SLC6A13: variants seen among roughly 807,000 people sequenced by gnomAD.
SLC6A13 encodes solute carrier family 6 member 13.
In SLC6A13, 69 loss-of-function variants were observed where a neutral mutation model predicts 72.9. That is an observed-to-expected ratio of 0.95 (90% confidence interval 0.78 to 1.16). The LOEUF is 1.16. SLC6A13 is among the 50% of genes most tolerant of loss of function. SLC6A13 has a pLI of 0.00. For synonymous variants in SLC6A13, 303 were observed against 303.0 expected (o/e 1.00, Z 0.00); for missense variants, 735 against 760.5 (o/e 0.97, Z 0.39).
chr12:228,342 G>GA (rs962173264), intron 7 of SLC6A13, among the ~76,000 whole-genome samples: 3 of 152,080 alleles, frequency 2.0e-5, no homozygotes, highest in African/African-American at 7.2e-5. Flanking sequence ...ATCCCAGACA[G>GA]AAAAAACATC....
chr12:252,080 C>T (rs999315771), intron 2 of SLC6A13, among the ~76,000 whole-genome samples: 8 of 152,104 alleles, frequency 5.3e-5, no homozygotes, highest in East Asian at 1.9e-4. Context: ...GAAGATACCT[C>T]GATAACAAAG....
At chr12:253,093 C>T (rs974368639) in intron 2 of SLC6A13, among the ~76,000 whole-genome samples, 1 of 152,168 alleles carries the variant, frequency 6.6e-6, no homozygotes, top group African/African-American at 2.4e-5. Flanking sequence ...CCTGCACCCC[C>T]ATATCATCCA....
At chr12:262,689 G>C (rs1440339432) in intron 1 of SLC6A13, 100 bp downstream of exon 1, 3 of 985,038 alleles carry the variant, frequency 3.0e-6, no homozygotes, top group African/African-American at 3.5e-5. Context: ...TTCTAGGCGA[G>C]GGTAAGAAAA....
chr12:247,023 GAAAGAAAGA>G (rs1565504240), intron 2 of SLC6A13, among the ~76,000 whole-genome samples: 2 of 14,280 alleles, frequency 1.4e-4, no homozygotes, highest in Non-Finnish European at 3.3e-4. Flanking sequence ...AAAAAAAAAA[GAAAGAAAGA>G]AAAGAAAGAA....
At chr12:229,651 C>T (rs1941622159) in intron 7 of SLC6A13, among the ~76,000 whole-genome samples, 1 of 152,212 alleles carries the variant, frequency 6.6e-6, no homozygotes, top group African/African-American at 2.4e-5. Flanking sequence ...GCGCCCCCTC[C>T]CAAAAAGGTC....
intron 2 of SLC6A13, among the ~76,000 whole-genome samples, chr12:252,570 C>G (rs1444769083): frequency 6.6e-6 from 1 of 152,212 alleles, no homozygotes; most frequent in African/African-American, 2.4e-5. Context: ...ATCCATAATT[C>G]AGGCACTAAG....
rs146636328 is a variant in SLC6A13, at chr12:241,129, C to T, written c.478+1485G>A. The stretch of plus-strand genomic sequence containing the variant: ...GACCAGCCTGGCCAAAATGGTGAAA[C>T]CCTGTCTCTACTAAAAATACAAAAA... On this transcript the variant is annotated intron_variant, in intron 4 of 14. Transcript: ENST00000343164. Among the ~76,000 whole-genome samples the T allele has an allele frequency of 7.2e-3, 1,098 of 151,986 alleles. 18 individuals are homozygous for T. The highest frequency in any genetic ancestry group is 0.025 in the African/African-American group (1,041 of 41,444).
At chr12:247,136 A>C (rs967340239) in intron 2 of SLC6A13, among the ~76,000 whole-genome samples, 1 of 152,022 alleles carries the variant, frequency 6.6e-6, no homozygotes, top group African/African-American at 2.4e-5. Flanking sequence ...CTGTGAAAGA[A>C]AGAAAAGGGT....
In SLC6A13 at chr12:223,243, G is replaced by T; in HGVS notation, c.1312-9C>A. 6.3e-7 allele frequency: 1 copy of T among 1,580,414 alleles called. No homozygotes were observed. The highest frequency in any genetic ancestry group is 8.7e-7 in the Non-Finnish European group (1 of 1,151,946). ...AACACGTACATTCCGCCCTGCATGG[G>T]AGGAGATTATTTTAAAAAGAAGTTT... On this transcript the variant is annotated splice_polypyrimidine_tract_variant and intron_variant, in intron 11 of 14. Transcript: ENST00000343164.
chr12:221,347 G>C (rs914982354), intron 14 of SLC6A13, 29 bp downstream of exon 14: 4 of 1,555,206 alleles, frequency 2.6e-6, no homozygotes, highest in Non-Finnish European at 1.7e-6. Context: ...CAGCCCCTCT[G>C]GCTGCTTTCC....
intron 13 of SLC6A13, 58 bp from the exon 14 acceptor site, chr12:221,604 T>C: frequency 8.9e-7 from 1 of 1,126,064 alleles, no homozygotes. Flanking sequence ...TGCCCTCAGC[T>C]CCCCCGCTCC....
At chr12:235,582 G>A (rs1941900628) in intron 6 of SLC6A13, among the ~76,000 whole-genome samples, 1 of 152,074 alleles carries the variant, frequency 6.6e-6, no homozygotes. Flanking sequence ...CGTGATAATT[G>A]TATTAACTGT....
chr12:234,969 C>T, intron 7 of SLC6A13, 121 bp downstream of exon 7: 2 of 1,108,300 alleles, frequency 1.8e-6, no homozygotes, highest in Admixed American at 2.0e-5. Context: ...TGCACCTCTG[C>T]TGCCACTGTG....
intron 2 of SLC6A13, chr12:259,485 T>C: frequency 1.5e-6 from 2 of 1,298,974 alleles, no homozygotes; most frequent in Non-Finnish European, 2.0e-6. Flanking sequence ...TACAATGACC[T>C]TGAAAGGCAG....
In SLC6A13 at chr12:242,723, G is replaced by A. The variant is rs1279948369; in HGVS notation, c.369C>T (p.Ile123=). 3 of 1,599,412 alleles carry A rather than the reference G, an allele frequency of 1.9e-6. No homozygotes were observed. The highest frequency in any genetic ancestry group is 2.6e-6 in the Non-Finnish European group (3 of 1,172,706). ...CAATGATGTAGTAGACGTTGAGGAG[G>A]ATGACGATCATCTGGGAGGCATAGC... is the stretch of plus-strand genomic sequence containing the variant. The part of the protein sequence containing the change: ...GIGYASQMIV[I]LLNVYYIIVL... The change falls in exon 4 of 15, where the codon ATC becomes ATT. Residue 123 remains isoleucine, a synonymous_variant. Transcript: ENST00000343164.
In SLC6A13 at chr12:254,287, G is replaced by A. The variant is rs752928169; in HGVS notation, c.202+5564C>T. ...CACATGGCCCCCTTCCGCCCAGAAGGGAAATACACAAGGAAGGGGTGGATT... is the reference window on the plus strand; with the variant it reads ...CACATGGCCCCCTTCCGCCCAGAAGAGAAATACACAAGGAAGGGGTGGATT... On this transcript the variant is annotated intron_variant, in intron 2 of 14. Transcript: ENST00000343164. The surrounding 1 kb of genome is among the most constrained non-coding windows in gnomAD (Gnocchi z 4.4). Among the ~76,000 whole-genome samples, 3 of 152,188 alleles carry A rather than the reference G, an allele frequency of 2.0e-5. No individual in the cohort carries two copies. Among genetic ancestry groups the A allele is most frequent in the African/African-American group, 4.8e-5 (2 of 41,438 alleles).
intron 8 of SLC6A13, 77 bp from the exon 9 acceptor site, chr12:226,591 G>A: frequency 1.3e-6 from 2 of 1,504,726 alleles, no homozygotes; most frequent in Admixed American, 2.0e-5. Flanking sequence ...TCCTGTCTGG[G>A]AGCACAGCCC....
chr12:259,509 A>T, intron 2 of SLC6A13: 2 of 1,336,444 alleles, frequency 1.5e-6, no homozygotes, highest in Non-Finnish European at 1.9e-6. Flanking sequence ...TTATTATCTC[A>T]ATTTGCAGGA....
At chr12:228,966 CTCA>C (rs1346543905) in intron 7 of SLC6A13, among the ~76,000 whole-genome samples, 1 of 152,216 alleles carries the variant, frequency 6.6e-6, no homozygotes, top group Non-Finnish European at 1.5e-5. Context: ...CACCCATCCT[CTCA>C]TCATGTCTCC....
Sources: gnomAD v4.1 joint callset for allele counts (sites outside exome capture counted in the v4.1 genomes callset) on GRCh38, gnomAD v4.1.1 for gene constraint, Gnocchi (gnomAD v3.1) non-coding constraint, MANE v1.5 for transcripts, NCBI Gene and HGNC (gene_info 2026-07-23, HGNC 2026-07-21) for gene names.